The following PCDHA7 variants were observed in gnomAD, a reference collection of about 807,000 sequenced individuals.
PCDHA7 encodes the protein protocadherin alpha-7.
In PCDHA7, 37 loss-of-function variants were observed where a neutral mutation model predicts 57.2. The observed-to-expected ratio is 0.65, with a 90% CI of 0.50 to 0.85. The LOEUF (loss-of-function observed/expected upper bound fraction) is 0.85, where lower values mean the gene tolerates loss of function less well. PCDHA7 is among the 40% of genes least tolerant of loss of function. PCDHA7 has a pLI of 0.00. For synonymous variants in PCDHA7, 553 were observed against 558.8 expected, an observed-to-expected ratio of 0.99 and a Z score of 0.15; for missense variants, 1,188 against 1,241.8, an observed-to-expected ratio of 0.96 and a Z score of 0.65.
chr5:140,943,257 C>CAAAAA (rs1238620023), intron 1 of PCDHA7, among the ~76,000 whole-genome samples: 3 of 77,348 alleles, frequency 3.9e-5, no homozygotes, highest in Non-Finnish European at 5.0e-5. Context: ...GACTCTGTCT[C>CAAAAA]AAAAAAAAAA....
intron 2 of PCDHA7, among the ~76,000 whole-genome samples, chr5:140,980,840 A>G (rs1248070793): frequency 1.3e-5 from 2 of 152,200 alleles, no homozygotes; most frequent in African/African-American, 4.8e-5. Context: ...GAACCTAAAT[A>G]ATACTAATCT....
Position 140,836,509 on chromosome 5 carries a change from G to C in PCDHA7, c.2126G>C (p.Ser709Thr). 6.2e-7 allele frequency: 1 copy of C among 1,613,894 alleles called. No homozygotes were observed. Among genetic ancestry groups the C allele is most frequent in the Non-Finnish European group, 8.5e-7 (1 of 1,179,872 alleles). ...YLIIAICAVS[S>T]LLVLTLLLYT... is the part of the protein sequence containing the mutation. ...ATCATCGCCATCTGCGCGGTGTCCA[G>C]TCTGTTGGTGCTTACCCTGCTGCTG... The change falls in exon 1 of 4, where the codon AGT becomes ACT. Residue 709 changes from serine (S) to threonine (T), a missense_variant. Coordinates refer to ENST00000525929, the MANE Select transcript of PCDHA7 (RefSeq NM_018910.3).
At chr5:140,871,141 C>A (rs1431247385) in intron 1 of PCDHA7, 2 of 1,613,438 alleles carry the variant, frequency 1.2e-6, no homozygotes, top group Non-Finnish European at 1.7e-6. Context: ...GGCCTCTTCC[C>A]GGACTTTGGC....
At chr5:140,926,517 C>G (rs1428470636) in intron 1 of PCDHA7, 1 of 201,972 alleles carries the variant, frequency 5.0e-6, no homozygotes. Flanking sequence ...CCAGGCTCCG[C>G]CCTGCGCCCG....
At chr5:140,969,385 C>A in intron 1 of PCDHA7, 1 of 1,598,120 alleles carries the variant, frequency 6.3e-7, no homozygotes, top group East Asian at 2.2e-5. Context: ...TTACACATCC[C>A]CCAATATCCT....
At chr5:140,965,848 C>T (rs2095941298) in intron 1 of PCDHA7, among the ~76,000 whole-genome samples, 1 of 152,178 alleles carries the variant, frequency 6.6e-6, no homozygotes, top group Non-Finnish European at 1.5e-5. Context: ...TTTGCCAAGG[C>T]ACACACTGAA....
intron 1 of PCDHA7, among the ~76,000 whole-genome samples, chr5:140,964,646 G>A (rs1554227128): frequency 6.6e-6 from 1 of 152,004 alleles, no homozygotes; most frequent in African/African-American, 2.4e-5. Context: ...TCAGAAACAA[G>A]TAATGGGTGA....
At chr5:140,946,720 A>C (rs1460843213) in intron 1 of PCDHA7, among the ~76,000 whole-genome samples, 4 of 150,970 alleles carry the variant, frequency 2.6e-5, no homozygotes, top group African/African-American at 9.8e-5. Flanking sequence ...ATGTTTAGTT[A>C]AATAAGCCAG....
chr5:140,893,853 G>C (rs1395145943), intron 1 of PCDHA7, among the ~76,000 whole-genome samples: 1 of 152,050 alleles, frequency 6.6e-6, no homozygotes. Context: ...CCTACCTCTT[G>C]TATAGAAACA....
At chr5:140,969,146 AAGGCCTGTCTGACAGC>A in intron 1 of PCDHA7, 1 of 1,614,170 alleles carries the variant, frequency 6.2e-7, no homozygotes, top group Non-Finnish European at 8.5e-7. Flanking sequence ...CTACTGCTAC[AAGGCCTGTCTGACAGC>A]AGGCTCAGGG....
intron 1 of PCDHA7, among the ~76,000 whole-genome samples, chr5:140,973,273 C>T (rs1180418925): frequency 6.6e-6 from 1 of 152,150 alleles, no homozygotes; most frequent in Non-Finnish European, 1.5e-5. Context: ...ACTTTTATTT[C>T]CCCCAGCACT....
Position 140,929,404 on chromosome 5 carries a change from G to A in PCDHA7, c.2356-49545G>A, listed in dbSNP as rs530409256. 1.4e-5 allele frequency: 21 copies of A among 1,506,596 alleles called. No individual in the cohort carries two copies. The South Asian group carries it at 1.9e-4, about 14-fold the overall frequency. The allele number at this position is 1,506,596 out of a possible 1,614,324, so 93.3% of individuals were successfully genotyped here. A position where few individuals can be genotyped will look rare whatever the true frequency, so the allele number is the denominator to read the frequency against. ...GTGTTTTGAAATATTTCTTAGACAAGCCTTTCACAACATTTCATCAATTGA... is the reference window on the plus strand; with the variant it reads ...GTGTTTTGAAATATTTCTTAGACAAACCTTTCACAACATTTCATCAATTGA... On this transcript the variant is annotated intron_variant, in intron 1 of 3. Coordinates refer to ENST00000525929, the MANE Select transcript of PCDHA7 (RefSeq NM_018910.3).
chr5:140,967,627 C>T (rs1218869340), intron 1 of PCDHA7: 5 of 1,614,158 alleles, frequency 3.1e-6, no homozygotes, highest in South Asian at 2.2e-5. Context: ...CGGATGAGGG[C>T]TCCAATGGTG....
At chr5:140,863,313 G>C (rs782656693) in intron 1 of PCDHA7, 5 of 1,460,034 alleles carry the variant, frequency 3.4e-6, no homozygotes, top group Non-Finnish European at 4.6e-6. Flanking sequence ...TCTGCGTGGT[G>C]TCCAGCCTGT....
chr5:140,923,461 A>G (rs530510417), intron 1 of PCDHA7, among the ~76,000 whole-genome samples: 97 of 152,204 alleles, frequency 6.4e-4, no homozygotes, highest in African/African-American at 2.2e-3. Context: ...CCAGAGAGGT[A>G]GGGGCTGCAG....
At chr5:140,961,342 A>AC (rs2095605510) in intron 1 of PCDHA7, among the ~76,000 whole-genome samples, 1 of 152,164 alleles carries the variant, frequency 6.6e-6, no homozygotes, top group South Asian at 2.1e-4. Flanking sequence ...CCAAGAGTGG[A>AC]TCCCTGTAGT....
At chr5:140,958,069 A>C (rs2095407625) in intron 1 of PCDHA7, among the ~76,000 whole-genome samples, 1 of 152,104 alleles carries the variant, frequency 6.6e-6, no homozygotes. Flanking sequence ...AAAAACACAG[A>C]AGCAAAAAGT....
At chr5:140,876,697 C>T in intron 1 of PCDHA7, 2 of 1,614,226 alleles carry the variant, frequency 1.2e-6, no homozygotes, top group Middle Eastern at 1.6e-4. Context: ...CTCGTTGGTG[C>T]TGGACAGCGC....
chr5:140,851,523 C>T lies in PCDHA7; in HGVS notation c.2355+14785C>T, dbSNP rs1562479634. The T allele has an allele frequency of 1.1e-5, 10 of 902,364 alleles. 2 individuals are homozygous for T. The highest frequency in any genetic ancestry group is 1.4e-5 in the Non-Finnish European group (10 of 740,586). 55.9% of individuals were successfully genotyped at this position (902,364 alleles called of 1,614,324 possible). A position where few individuals can be genotyped will look rare whatever the true frequency, so the allele number is the denominator to read the frequency against. On this transcript the variant is annotated intron_variant, in intron 1 of 3. Coordinates refer to ENST00000525929, the MANE Select transcript of PCDHA7 (RefSeq NM_018910.3). The stretch of plus-strand genomic sequence containing the variant: ...CTTATATAAAATATGTTTTAAAATG[C>T]CTGACAATGTAGATAATTCAAGAAA...
Sources: allele counts gnomAD v4.1 joint callset (sites outside exome capture counted in the v4.1 genomes callset), GRCh38; gene constraint gnomAD v4.1.1; transcripts MANE v1.5; gene names NCBI Gene and HGNC (gene_info 2026-07-23, HGNC 2026-07-21).